CLEC17A: variants seen among roughly 807,000 people sequenced by gnomAD.
CLEC17A encodes the protein C-type lectin domain containing 17A, also known as C-type lectin domain family 17, member A.
Under a neutral mutation model 61.3 loss-of-function variants are expected in CLEC17A, and 37 were observed. The observed-to-expected ratio is 0.60, with a 90% CI of 0.46 to 0.79. The LOEUF is 0.79. Among genes scored for constraint, CLEC17A ranks in the 30% least tolerant of loss-of-function variants. The pLI is 0.00. For missense variants in CLEC17A, 418 were observed against 464.7 expected, an observed-to-expected ratio of 0.90 and a Z score of 0.92; for synonymous variants, 168 against 164.9, an observed-to-expected ratio of 1.02 and a Z score of -0.14.
intron 12 of CLEC17A, among the ~76,000 whole-genome samples, chr19:14,602,741 GT>G (rs898066900): frequency 5.2e-4 from 75 of 145,110 alleles, no homozygotes; most frequent in East Asian, 2.6e-3. Context: ...TAGTTAAACA[GT>G]TTTTTTTTTT....
At chr19:14,592,941 C>G (rs1391153286) in intron 4 of CLEC17A, among the ~76,000 whole-genome samples, 1 of 152,082 alleles carries the variant, frequency 6.6e-6, no homozygotes, top group Non-Finnish European at 1.5e-5. Context: ...GCTGGGATTA[C>G]AGGTGTGAGC....
At chr19:14,591,525 A>G (rs1304772902) in intron 3 of CLEC17A, among the ~76,000 whole-genome samples, 2 of 149,510 alleles carry the variant, frequency 1.3e-5, no homozygotes, top group Non-Finnish European at 3.0e-5. Flanking sequence ...GCTCACTGCA[A>G]TGGGGGCTAT....
At position 14,608,670 on chromosome 19, in the gene CLEC17A, GT is replaced by G. The variant is rs1344875123; in HGVS notation, c.1005-1392del. On this transcript the variant is annotated intron_variant, in intron 13 of 13. Coordinates refer to ENST00000417570, the MANE Select transcript of CLEC17A (RefSeq NM_001204118.2). The stretch of plus-strand genomic sequence containing the variant: ...TTTTTTTGAGACAGAGTCTCACTCT[GT>G]TGCCCAGGCTGAAGTGCAGTGGTGC... Among the ~76,000 whole-genome samples, 474 of 129,112 alleles carry G rather than the reference GT, an allele frequency of 3.7e-3. 5 individuals carry two copies. The highest frequency in any genetic ancestry group is 0.011 in the Middle Eastern group (2 of 176). 84.7% of individuals were successfully genotyped at this position (129,112 alleles called of 152,430 possible). A position where few individuals can be genotyped will look rare whatever the true frequency, so the allele number is the denominator to read the frequency against.
intron 2 of CLEC17A, among the ~76,000 whole-genome samples, chr19:14,585,234 A>G (rs1187798344): frequency 6.6e-6 from 1 of 152,208 alleles, no homozygotes; most frequent in Non-Finnish European, 1.5e-5. Context: ...AAGTGGTGCA[A>G]TCATAGCTCA....
rs1301871417 is a variant in CLEC17A at position 14,594,801 on chromosome 19, G to A, written c.403+1G>A. 3.7e-6 allele frequency: 6 copies of A among 1,613,588 alleles called. No homozygotes were observed. Among genetic ancestry groups the A allele is most frequent in the Non-Finnish European group, 5.1e-6 (6 of 1,179,666 alleles). On this transcript the variant is annotated splice_donor_variant, in intron 7 of 13. Coordinates refer to ENST00000417570, the MANE Select transcript of CLEC17A (RefSeq NM_001204118.2). LOFTEE classifies it high-confidence loss of function. The stretch of plus-strand genomic sequence containing the variant: ...GTCACCTGTCCACCTCCTCAACTGG[G>A]TGAGCAGTGGGAAGACCCTTTAAGA...
upstream of CLEC17A, among the ~76,000 whole-genome samples, chr19:14,582,500 C>T (rs535703423): frequency 2.6e-5 from 4 of 152,266 alleles, no homozygotes; most frequent in East Asian, 1.9e-4. Context: ...GCGTGAGCCA[C>T]GATGCCTGGC....
At chr19:14,590,731 G>C (rs2074390314) in intron 3 of CLEC17A, among the ~76,000 whole-genome samples, 1 of 151,800 alleles carries the variant, frequency 6.6e-6, no homozygotes, top group Non-Finnish European at 1.5e-5. Flanking sequence ...CTGTTGCCCA[G>C]GCTGGAGTGT....
At chr19:14,605,608 G>A (rs1339172149) in intron 12 of CLEC17A, among the ~76,000 whole-genome samples, 1 of 151,930 alleles carries the variant, frequency 6.6e-6, no homozygotes, top group Non-Finnish European at 1.5e-5. Flanking sequence ...ATCCCTCCCT[G>A]CCCCCTACTT....
In CLEC17A at chr19:14,599,785, TC is replaced by T; in HGVS notation, c.718del (p.Leu240TrpfsTer8). 1 of 1,613,738 alleles carries T rather than the reference TC, an allele frequency of 6.2e-7. No homozygotes were observed. Among genetic ancestry groups the T allele is most frequent in the Non-Finnish European group, 8.5e-7 (1 of 1,179,744 alleles). On this transcript the variant is annotated frameshift_variant, in exon 11 of 14. Transcript: ENST00000417570. LOFTEE classifies it high-confidence loss of function. ...IARVRADTNQ[S>X]LVELWGLLDC... ...CCGTGTAAGAGCTGACACCAACCAG[TC>T]CCTGGTGGAACTTTGGGGCTTATTA...
chr19:14,583,110 G>A lies in CLEC17A; in HGVS notation c.-51G>A, dbSNP rs2074202920. On this transcript the variant is annotated 5_prime_UTR_variant, in exon 1 of 14. Coordinates refer to ENST00000417570, the MANE Select transcript of CLEC17A (RefSeq NM_001204118.2). ...GACGCCTGAGTCGGAGAGACAGGGG[G>A]CAGAGGTTGCCAAGCCCTGGCTGCC... The A allele has an allele frequency of 3.1e-6, 5 of 1,607,330 alleles. No homozygotes were observed. The highest frequency in any genetic ancestry group is 1.7e-5 in the Admixed American group (1 of 59,946).
chr19:14,587,233 ATGTGTGTGTGTGTG>A (rs3049160), intron 2 of CLEC17A, among the ~76,000 whole-genome samples: 1 of 145,308 alleles, frequency 6.9e-6, no homozygotes, highest in Non-Finnish European at 1.5e-5. Flanking sequence ...CCAGAGAAAG[ATGTGTGTGTGTGTG>A]TGTGTGTGTG....
chr19:14,594,697 T>C lies in CLEC17A; in HGVS notation c.361+15T>C, dbSNP rs35049360. 0.13 allele frequency: 208,935 copies of C among 1,613,478 alleles called. 23,326 individuals carry two copies. Among genetic ancestry groups the C allele is most frequent in the African/African-American group, 0.6 (44,806 of 74,844 alleles). ...GAACATGACAGGTGAGAGCTGACAG[T>C]TGGAGTCTTCCTGCTCACCTGGCTG... is the stretch of plus-strand genomic sequence containing the variant. On this transcript the variant is annotated intron_variant, in intron 6 of 13. Transcript: ENST00000417570.
chr19:14,582,450 G>C (rs2074193743), upstream of CLEC17A, among the ~76,000 whole-genome samples: 1 of 152,050 alleles, frequency 6.6e-6, no homozygotes, highest in Non-Finnish European at 1.5e-5. Flanking sequence ...CTGACCTCGT[G>C]ATCTGCCTGT....
chr19:14,582,971 G>A (rs1456428443), upstream of CLEC17A: 1 of 591,918 alleles, frequency 1.7e-6, no homozygotes, highest in East Asian at 2.9e-5. Flanking sequence ...GTGTATGTGT[G>A]TGTGTGTGTG....
intron 12 of CLEC17A, among the ~76,000 whole-genome samples, chr19:14,603,830 G>A (rs775268281): frequency 1.4e-4 from 22 of 152,140 alleles, no homozygotes; most frequent in Non-Finnish European, 2.4e-4. Context: ...ATGTGCTGGA[G>A]ACTATTCTAC....
upstream of CLEC17A, chr19:14,583,032 T>C: frequency 2.1e-6 from 2 of 931,368 alleles, no homozygotes; most frequent in Admixed American, 4.5e-5. Context: ...CCTGTCAAAA[T>C]GAATTTGCAT....
intron 4 of CLEC17A, 122 bp downstream of exon 4, chr19:14,592,480 G>A: frequency 1.3e-6 from 2 of 1,527,484 alleles, no homozygotes; most frequent in Non-Finnish European, 8.8e-7. Flanking sequence ...GCCAGGCACT[G>A]TGCAACACAC....
At chr19:14,598,396 C>T (rs2074608956) in intron 10 of CLEC17A, among the ~76,000 whole-genome samples, 1 of 146,940 alleles carries the variant, frequency 6.8e-6, no homozygotes, top group Admixed American at 6.9e-5. Flanking sequence ...CCCTTCCCTT[C>T]TCCTTCCTTC....
chr19:14,582,994 T>C, upstream of CLEC17A: 3 of 638,956 alleles, frequency 4.7e-6, no homozygotes, highest in Non-Finnish European at 8.3e-6. Flanking sequence ...TGTGTGTTTG[T>C]GTGAGCACGT....
Sources: gnomAD v4.1 joint callset for allele counts (sites outside exome capture counted in the v4.1 genomes callset) on GRCh38, gnomAD v4.1.1 for gene constraint, MANE v1.5 for transcripts, NCBI Gene and HGNC (gene_info 2026-07-23, HGNC 2026-07-21) for gene names.